Variants in SPATA6 observed in about 807,000 individuals in gnomAD.
The protein encoded by SPATA6 is spermatogenesis-associated protein 6.
Under a neutral mutation model 65.3 loss-of-function variants are expected in SPATA6, and 56 were observed. The ratio of observed to expected loss-of-function variants is 0.86; its 90% CI spans 0.69 to 1.07. The LOEUF (loss-of-function observed/expected upper bound fraction) is 1.07, where lower values mean the gene tolerates loss of function less well. SPATA6 is among the 50% of genes least tolerant of loss of function. SPATA6 has a pLI of 0.00. For synonymous variants in SPATA6, 199 were observed against 213.2 expected, an observed-to-expected ratio of 0.93 and a Z score of 0.58; for missense variants, 590 against 594.8, an observed-to-expected ratio of 0.99 and a Z score of 0.08.
In SPATA6 at chr1:48,447,443, T is replaced by C. The variant is rs554448570; in HGVS notation, c.238+4109A>G. Reference sequence around the variant, plus strand: ...CTGAGGCAGGAGAATCACTTGAACCTGAGAGATGGAGCTTGCAGTGAGCCA... The same window carrying C: ...CTGAGGCAGGAGAATCACTTGAACCCGAGAGATGGAGCTTGCAGTGAGCCA... On this transcript the variant is annotated intron_variant, in intron 3 of 12. Coordinates refer to ENST00000371847, the MANE Select transcript of SPATA6 (RefSeq NM_019073.4). Among the ~76,000 whole-genome samples the C allele has an allele frequency of 6.6e-4, 101 of 152,280 alleles. 1 individual carries two copies. The highest frequency in any genetic ancestry group is 1.1e-3 in the Non-Finnish European group (73 of 68,020).
chr1:48,420,102 T>C (rs72895156), intron 3 of SPATA6, among the ~76,000 whole-genome samples: 2,209 of 152,084 alleles, frequency 0.015, 52 homozygotes, highest in African/African-American at 0.05. Context: ...GAGGGTCAAG[T>C]TGATCACCAA....
chr1:48,397,110 G>C (rs916860513), intron 7 of SPATA6, among the ~76,000 whole-genome samples: 2 of 151,432 alleles, frequency 1.3e-5, no homozygotes, highest in African/African-American at 4.8e-5. Context: ...AGACACAAAA[G>C]GCCAAATGTT....
intron 11 of SPATA6, among the ~76,000 whole-genome samples, chr1:48,347,463 A>G (rs1204863513): frequency 4.0e-5 from 5 of 126,104 alleles, no homozygotes; most frequent in African/African-American, 6.3e-5. Context: ...TAATGTATAT[A>G]TAATATAATA....
intron 3 of SPATA6, chr1:48,437,127 T>G (rs1655011250): frequency 6.2e-7 from 1 of 1,600,660 alleles, no homozygotes; most frequent in South Asian, 1.1e-5. Flanking sequence ...TGCCTCCTGC[T>G]TATAACAAGC....
At chr1:48,391,471 G>A (rs1162365691) in intron 8 of SPATA6, among the ~76,000 whole-genome samples, 1 of 151,934 alleles carries the variant, frequency 6.6e-6, no homozygotes, top group Non-Finnish European at 1.5e-5. Context: ...TATATTAAAA[G>A]TTTCTGTATG....
At chr1:48,376,017 C>A (rs1647854405) in intron 9 of SPATA6, among the ~76,000 whole-genome samples, 1 of 152,106 alleles carries the variant, frequency 6.6e-6, no homozygotes, top group African/African-American at 2.4e-5. Context: ...CTAGCCAAGG[C>A]AAATTAAAAA....
At chr1:48,302,097 ACT>A (rs1157026223) in intron 12 of SPATA6, among the ~76,000 whole-genome samples, 1 of 151,984 alleles carries the variant, frequency 6.6e-6, no homozygotes, top group African/African-American at 2.4e-5. Context: ...GATTGCAGAA[ACT>A]CTGGATTCTT....
intron 8 of SPATA6, among the ~76,000 whole-genome samples, chr1:48,389,823 A>G (rs894087918): frequency 2.0e-5 from 3 of 152,204 alleles, no homozygotes; most frequent in South Asian, 2.1e-4. Flanking sequence ...GACCTTTACC[A>G]TCTTGAAAAC....
At chr1:48,291,103 C>T (rs1035139873), downstream of SPATA6, among the ~76,000 whole-genome samples, 3 of 152,226 alleles carry the variant, frequency 2.0e-5, no homozygotes, top group African/African-American at 7.2e-5. Flanking sequence ...GGAAGTAAAG[C>T]ACTCCTCAGC....
intron 12 of SPATA6, among the ~76,000 whole-genome samples, chr1:48,303,220 C>T (rs1644982589): frequency 1.3e-5 from 2 of 152,106 alleles, no homozygotes. Flanking sequence ...TGTAGTGAAT[C>T]AAATCATGGT....
At chr1:48,337,321 T>G (rs1415621041) in intron 11 of SPATA6, among the ~76,000 whole-genome samples, 1 of 151,802 alleles carries the variant, frequency 6.6e-6, no homozygotes, top group East Asian at 1.9e-4. Flanking sequence ...AATAAAACCT[T>G]ATATTTGTAA....
chr1:48,335,105 T>C (rs1201870920), intron 11 of SPATA6, among the ~76,000 whole-genome samples: 1 of 151,308 alleles, frequency 6.6e-6, no homozygotes, highest in Non-Finnish European at 1.5e-5. Context: ...AGAATGACAA[T>C]TACAAAACTG....
intron 11 of SPATA6, among the ~76,000 whole-genome samples, chr1:48,338,681 T>C (rs1305480319): frequency 6.6e-6 from 1 of 151,874 alleles, no homozygotes; most frequent in Non-Finnish European, 1.5e-5. Context: ...AGAGGTAAAA[T>C]TGAAAACAGG....
chr1:48,280,346 A>C, the SPATA6 span, among the ~76,000 whole-genome samples: 2 of 152,222 alleles, frequency 1.3e-5, no homozygotes, highest in Non-Finnish European at 2.9e-5. Context: ...GCAGAACTGA[A>C]GGAAATAGAG....
chr1:48,436,084 T>A (rs1468448772), intron 3 of SPATA6: 2 of 1,609,808 alleles, frequency 1.2e-6, no homozygotes, highest in Non-Finnish European at 8.5e-7. Flanking sequence ...CCTTTCCTGG[T>A]CACCTCCATC....
chr1:48,440,331 C>A (rs965337963), intron 3 of SPATA6, among the ~76,000 whole-genome samples: 1 of 152,284 alleles, frequency 6.6e-6, no homozygotes, highest in East Asian at 1.9e-4. Context: ...GGGTCTAGGG[C>A]AAACCTTCTA....
intron 11 of SPATA6, among the ~76,000 whole-genome samples, chr1:48,340,604 G>A (rs554263439): frequency 6.6e-6 from 1 of 151,154 alleles, no homozygotes; most frequent in Admixed American, 6.6e-5. Context: ...AATAAAAAAA[G>A]AACAAAACTA....
At chr1:48,264,419 T>G in the SPATA6 span, among the ~76,000 whole-genome samples, 11 of 152,302 alleles carry the variant, frequency 7.2e-5, no homozygotes, top group African/African-American at 2.6e-4. Flanking sequence ...GTGCAGAACA[T>G]GCAGGTTTGT....
chr1:48,280,767 G>T, the SPATA6 span, among the ~76,000 whole-genome samples: 2 of 152,148 alleles, frequency 1.3e-5, no homozygotes, highest in East Asian at 3.9e-4. Context: ...AGGAGGAACT[G>T]GTACCATTCC....
Sources: allele counts gnomAD v4.1 joint callset (sites outside exome capture counted in the v4.1 genomes callset), GRCh38; gene constraint gnomAD v4.1.1; transcripts MANE v1.5; gene names NCBI Gene and HGNC (gene_info 2026-07-23, HGNC 2026-07-21).